Variants in CCDC171 observed in about 807,000 individuals in gnomAD.
The protein encoded by CCDC171 is coiled-coil domain-containing protein 171.
Under a neutral mutation model 168.2 loss-of-function variants are expected in CCDC171, and 177 were observed. That is an observed-to-expected ratio of 1.05 (90% confidence interval 0.93 to 1.19). The LOEUF (loss-of-function observed/expected upper bound fraction) is 1.19. Among genes scored for constraint, CCDC171 ranks in the 50% most tolerant of loss-of-function variants. The pLI is 0.00. For missense variants in CCDC171, 1,991 were observed against 1,539.0 expected, an observed-to-expected ratio of 1.29 and a Z score of -4.91; for synonymous variants, 687 against 540.8, an observed-to-expected ratio of 1.27 and a Z score of -3.75.
Position 15,704,094 on chromosome 9 carries a change from C to T in CCDC171, c.1318+8757C>T, listed in dbSNP as rs78601504. Among the ~76,000 whole-genome samples, 874 of 152,236 alleles carry T rather than the reference C, an allele frequency of 5.7e-3. 12 individuals carry two copies. Among genetic ancestry groups the T allele is most frequent in the African/African-American group, 0.02 (845 of 41,524 alleles). ...CCACAAACCTGCAGTTTGTAAAAATCGCAATACCTGTGAAGCACTGTAGAA... is the reference window on the plus strand; with the variant it reads ...CCACAAACCTGCAGTTTGTAAAAATTGCAATACCTGTGAAGCACTGTAGAA... On this transcript the variant is annotated intron_variant, in intron 11 of 25. Coordinates refer to ENST00000380701, the MANE Select transcript of CCDC171 (RefSeq NM_173550.4).
intron 24 of CCDC171, among the ~76,000 whole-genome samples, chr9:15,915,479 A>T (rs1824369531): frequency 1.3e-5 from 2 of 152,210 alleles, no homozygotes; most frequent in South Asian, 4.1e-4. Flanking sequence ...GCATCCTGAA[A>T]CTTTACTGAA....
At chr9:15,587,101 C>T (rs2041626433) in intron 4 of CCDC171, among the ~76,000 whole-genome samples, 1 of 152,168 alleles carries the variant, frequency 6.6e-6, no homozygotes, top group Non-Finnish European at 1.5e-5. Flanking sequence ...GTGTGAGCCA[C>T]CATGCTCAGC....
chr9:15,939,801 T>C (rs1827517834), intron 25 of CCDC171, among the ~76,000 whole-genome samples: 1 of 151,912 alleles, frequency 6.6e-6, no homozygotes, highest in Non-Finnish European at 1.5e-5. Context: ...GAATAACTGA[T>C]CTGTTAAATA....
intron 6 of CCDC171, among the ~76,000 whole-genome samples, chr9:15,615,453 G>T (rs1170962808): frequency 2.0e-5 from 3 of 152,080 alleles, no homozygotes; most frequent in Non-Finnish European, 4.4e-5. Flanking sequence ...AATATTAAGT[G>T]ACTACCAGAC....
At chr9:15,616,194 T>C (rs1259525473) in intron 6 of CCDC171, among the ~76,000 whole-genome samples, 7 of 152,014 alleles carry the variant, frequency 4.6e-5, no homozygotes, top group Non-Finnish European at 1.0e-4. Context: ...TCAAGTGATC[T>C]GCCCCCTTTG....
chr9:16,045,096 T>G (rs1044253218), intron 1 of CCDC171, among the ~76,000 whole-genome samples: 1 of 152,200 alleles, frequency 6.6e-6, no homozygotes, highest in Non-Finnish European at 1.5e-5. Context: ...GAGTGCTTCT[T>G]CTAGTGGGTA....
intron 23 of CCDC171, among the ~76,000 whole-genome samples, chr9:15,856,994 C>T (rs2061371070): frequency 6.6e-6 from 1 of 151,794 alleles, no homozygotes; most frequent in African/African-American, 2.4e-5. Context: ...CCTGTTTGAC[C>T]ATTTGTATGT....
At chr9:16,016,542 G>T (rs1833024153) in intron 3 of CCDC171, among the ~76,000 whole-genome samples, 1 of 152,150 alleles carries the variant, frequency 6.6e-6, no homozygotes, top group South Asian at 2.1e-4. Flanking sequence ...GTCAACTCCC[G>T]AAATGCTTTG....
intron 16 of CCDC171, among the ~76,000 whole-genome samples, chr9:15,737,973 A>G (rs986260289): frequency 1.3e-5 from 2 of 152,224 alleles, no homozygotes; most frequent in Admixed American, 6.5e-5. Flanking sequence ...ACATTTACAT[A>G]ATAGAGAAAG....
intron 23 of CCDC171, among the ~76,000 whole-genome samples, chr9:15,859,141 T>C (rs1248044503): frequency 2.0e-5 from 3 of 152,120 alleles, no homozygotes; most frequent in African/African-American, 7.2e-5. Context: ...TTTATGCATC[T>C]ATTGATTGTG....
chr9:15,745,525 G>A lies in CCDC171; in HGVS notation c.2565G>A (p.Lys855=). The change falls in exon 18 of 26, where the codon AAG becomes AAA. Residue 855 remains lysine, a synonymous_variant. Transcript: ENST00000380701. ...TTTTCAATTTTATAGAACATCAAAAGGAGCAGTTGCGTTGTTTACAAGCGC... is the reference window on the plus strand; with the variant it reads ...TTTTCAATTTTATAGAACATCAAAAAGAGCAGTTGCGTTGTTTACAAGCGC... ...QDKHKFPKHQ[K]EQLRCLQALS... The A allele has an allele frequency of 6.4e-7, 1 of 1,550,496 alleles. No individual in the cohort carries two copies. Among genetic ancestry groups the A allele is most frequent in the East Asian group, 2.4e-5 (1 of 42,162 alleles).
chr9:15,974,141 T>A (rs1371062759), downstream of CCDC171: 1 of 152,068 alleles, frequency 6.6e-6, no homozygotes, highest in African/African-American at 2.4e-5. Flanking sequence ...CATGTCACAT[T>A]TATAAGCAAC....
Position 15,591,475 on chromosome 9 carries a change from AAG to A in CCDC171, c.466_467del (p.Asp156GlnfsTer11). ...GAAGATTTGAACATGATTTGGAGGA[AAG>A]AGACAATATGATCCAAAATTGCAAT... ...CRRFEHDLEE[R>X]DNMIQNCNRE... On this transcript the variant is annotated frameshift_variant, in exon 5 of 26. Transcript: ENST00000380701. LOFTEE classifies it high-confidence loss of function. 1.2e-6 allele frequency: 2 copies of A among 1,609,356 alleles called. No homozygotes were observed. The highest frequency in any genetic ancestry group is 1.7e-6 in the Non-Finnish European group (2 of 1,177,292).
intron 1 of CCDC171, among the ~76,000 whole-genome samples, chr9:15,563,257 G>C (rs2039462306): frequency 6.6e-6 from 1 of 151,412 alleles, no homozygotes; most frequent in Admixed American, 6.6e-5. Flanking sequence ...TTCCACCTCA[G>C]CCTCCTGAGT....
chr9:15,888,472 C>T (rs1341677256), intron 24 of CCDC171, among the ~76,000 whole-genome samples: 1 of 152,118 alleles, frequency 6.6e-6, no homozygotes, highest in African/African-American at 2.4e-5. Flanking sequence ...TCTACTGTTT[C>T]CATATTTTGA....
Position 15,777,700 on chromosome 9 carries a change from T to C in CCDC171, c.2772T>C (p.Pro924=), listed in dbSNP as rs1261729933. The change falls in exon 19 of 26, where the codon CCT becomes CCC. Residue 924 remains proline (P), a synonymous_variant. Transcript: ENST00000380701. The part of the protein sequence containing the change: ...DKISLVMECI[P]LHSSRSITYV... ...TTAGTCTGGTAATGGAATGTATACC[T>C]CTGCACAGTAGCAGGAGTATTACAT... 2 of 1,613,808 alleles carry C rather than the reference T, an allele frequency of 1.2e-6. No individual in the cohort carries two copies. The highest frequency in any genetic ancestry group is 1.6e-4 in the Middle Eastern group (1 of 6,084).
intron 21 of CCDC171, among the ~76,000 whole-genome samples, chr9:15,832,981 C>CTTTTT (rs71325937): frequency 1.4e-5 from 1 of 69,428 alleles, no homozygotes; most frequent in African/African-American, 5.6e-5. Flanking sequence ...TCATTATAAT[C>CTTTTT]TTTTTTTTTT....
chr9:15,920,132 G>T, intron 24 of CCDC171, 138 bp from the exon 25 acceptor site: 1 of 497,924 alleles, frequency 2.0e-6, no homozygotes, highest in Non-Finnish European at 3.4e-6. Context: ...AAAATGTTAG[G>T]TTTAGCTTTA....
At chr9:15,722,970 T>C (rs2053580912) in intron 12 of CCDC171, among the ~76,000 whole-genome samples, 1 of 152,072 alleles carries the variant, frequency 6.6e-6, no homozygotes, top group Non-Finnish European at 1.5e-5. Flanking sequence ...AGCGAATTGT[T>C]ATTTGGGAGG....
Sources: gnomAD v4.1 joint callset for allele counts (sites outside exome capture counted in the v4.1 genomes callset) on GRCh38, gnomAD v4.1.1 for gene constraint, MANE v1.5 for transcripts, NCBI Gene and HGNC (gene_info 2026-07-23, HGNC 2026-07-21) for gene names.